Variants in VLDLR observed in about 807,000 individuals in gnomAD.
The protein encoded by VLDLR is very low-density lipoprotein receptor.
VLDLR carries 81 observed loss-of-function variants against 112.7 expected under a neutral mutation model. The ratio of observed to expected loss-of-function variants is 0.72; its 90% CI spans 0.60 to 0.86. The LOEUF (loss-of-function observed/expected upper bound fraction) is 0.86. VLDLR is among the 40% of genes least tolerant of loss of function. The pLI is 0.00. For missense variants in VLDLR, 1,237 were observed against 1,099.4 expected, an observed-to-expected ratio of 1.13 and a Z score of -1.77; for synonymous variants, 436 against 384.8, an observed-to-expected ratio of 1.13 and a Z score of -1.56.
intron 1 of VLDLR, among the ~76,000 whole-genome samples, chr9:2,628,786 G>C (rs962757643): frequency 1.3e-5 from 2 of 152,168 alleles, no homozygotes; most frequent in Non-Finnish European, 2.9e-5. Context: ...ATGGATTTTA[G>C]AAGAACCTCT....
chr9:2,648,742 C>G lies in VLDLR; in HGVS notation c.2036C>G (p.Ala679Gly). The G allele has an allele frequency of 1.2e-6, 2 of 1,614,100 alleles. No homozygotes were observed. The highest frequency in any genetic ancestry group is 1.7e-6 in the Non-Finnish European group (2 of 1,180,008). The change falls in exon 14 of 19, where the codon GCC becomes GGC. Residue 679 changes from alanine (A) to glycine (G), a missense_variant. Ala to Gly is a moderately conservative substitution (Grantham distance 60). Transcript: ENST00000382100. Reference sequence around the variant, plus strand: ...AATAAATTCACTGGATCAGAGCTAGCCACTCTAGTCAACAACCTGAATGAT... The same window carrying G: ...AATAAATTCACTGGATCAGAGCTAGGCACTCTAGTCAACAACCTGAATGAT... ...GANKFTGSEL[A>G]TLVNNLNDAQ...
chr9:2,622,167 G>GCGGCGGCAC lies in VLDLR; in HGVS notation c.-19_-18insGGCACCGGC, dbSNP rs1554617688. The GCGGCGGCAC allele has an allele frequency of 0.01, 14,537 of 1,417,890 alleles. 85 individuals carry two copies. The highest frequency in any genetic ancestry group is 0.019 in the South Asian group (1,452 of 74,540). The allele number at this position is 1,417,890 out of a possible 1,614,324, so 87.8% of individuals were successfully genotyped here. On this transcript the variant is annotated 5_prime_UTR_variant, in exon 1 of 19. Coordinates refer to ENST00000382100, the MANE Select transcript of VLDLR (RefSeq NM_003383.5). Reference sequence around the variant, plus strand: ...GCGAACGGCGGCGGCGGCGGCGGCGGCGGCACCATCCAGGCGGGCACCATG... The same window carrying GCGGCGGCAC: ...GCGAACGGCGGCGGCGGCGGCGGCGGCGGCGGCACCGGCACCATCCAGGCGGGCACCATG...
At chr9:2,648,385 C>G (rs761823765) in intron 13 of VLDLR, 38 bp downstream of exon 13, 6 of 1,612,834 alleles carry the variant, frequency 3.7e-6, no homozygotes, top group South Asian at 3.3e-5. Context: ...TACCTTTGAG[C>G]TACTATATCA....
intron 1 of VLDLR, among the ~76,000 whole-genome samples, chr9:2,623,580 C>T (rs1450306468): frequency 1.3e-5 from 2 of 152,218 alleles, no homozygotes; most frequent in African/African-American, 4.8e-5. Context: ...AATGCCCCTG[C>T]CCTTTGGTTG....
intron 15 of VLDLR, among the ~76,000 whole-genome samples, 157 bp from the exon 16 acceptor site, chr9:2,651,258 A>G (rs377388404): frequency 1.3e-5 from 2 of 152,160 alleles, no homozygotes; most frequent in East Asian, 3.8e-4. Context: ...GAAGATTGCT[A>G]TTTCAATGTT....
chr9:2,651,080 C>T (rs2130806932), intron 15 of VLDLR, among the ~76,000 whole-genome samples: 1 of 152,280 alleles, frequency 6.6e-6, no homozygotes, highest in South Asian at 2.1e-4. Flanking sequence ...AGTTGCAAGA[C>T]AGTCTGGTAT....
rs562398362 is a variant in VLDLR at position 2,657,005 on chromosome 9, T to G, written c.*3137T>G. On this transcript the variant is annotated 3_prime_UTR_variant, in exon 19 of 19. Coordinates refer to ENST00000382100, the MANE Select transcript of VLDLR (RefSeq NM_003383.5). ...TCACTTTGGCATTTGCTTCTGTTCC[T>G]TGTATCTGTGGAAGTCAAGTAGCCC... 6.6e-6 allele frequency: 1 copy of G among 151,158 alleles called. No individual in the cohort carries two copies. The highest frequency in any genetic ancestry group is 1.9e-4 in the East Asian group (1 of 5,132). 9.4% of individuals were successfully genotyped at this position (151,158 alleles called of 1,614,324 possible).
intron 1 of VLDLR, among the ~76,000 whole-genome samples, chr9:2,623,717 T>C (rs1465125118): frequency 1.3e-5 from 2 of 152,168 alleles, no homozygotes; most frequent in South Asian, 2.1e-4. Context: ...GGCAGTGTTA[T>C]TTTCAATGGA....
rs1818593034 is a variant in VLDLR at position 2,656,079 on chromosome 9, AAT to A, written c.*2213_*2214del. The A allele has an allele frequency of 6.8e-6, 1 of 147,490 alleles. No homozygotes were observed. Among genetic ancestry groups the A allele is most frequent in the African/African-American group, 2.7e-5 (1 of 37,454 alleles). The allele number at this position is 147,490 out of a possible 1,614,324, so 9.1% of individuals were successfully genotyped here. A position where few individuals can be genotyped will look rare whatever the true frequency, so the allele number is the denominator to read the frequency against. ...ATAAGGCCCAAAGTTTGTTTTGGCAAATAAAGTATTATTCTCTATCATCATCT... is the reference window on the plus strand; with the variant it reads ...ATAAGGCCCAAAGTTTGTTTTGGCAAAAAGTATTATTCTCTATCATCATCT... On this transcript the variant is annotated 3_prime_UTR_variant, in exon 19 of 19. Coordinates refer to ENST00000382100, the MANE Select transcript of VLDLR (RefSeq NM_003383.5).
intron 10 of VLDLR, 105 bp downstream of exon 10, chr9:2,645,850 A>G: frequency 1.5e-6 from 2 of 1,325,138 alleles, no homozygotes; most frequent in Non-Finnish European, 2.2e-6. Context: ...AGCCCCATCT[A>G]GCATCGAATT....
chr9:2,623,815 A>G (rs1195555845), intron 1 of VLDLR, among the ~76,000 whole-genome samples: 1 of 152,144 alleles, frequency 6.6e-6, no homozygotes, highest in African/African-American at 2.4e-5. Flanking sequence ...ATGTGTAGTG[A>G]ACATGGAATC....
At chr9:2,651,555 T>C in intron 16 of VLDLR, 57 bp downstream of exon 16, 1 of 1,447,304 alleles carries the variant, frequency 6.9e-7, no homozygotes, top group South Asian at 1.2e-5. Flanking sequence ...ACTCTTTGTA[T>C]CTACAGCTTA....
intron 18 of VLDLR, among the ~76,000 whole-genome samples, chr9:2,653,185 T>C (rs1244971052): frequency 6.6e-6 from 1 of 152,154 alleles, no homozygotes; most frequent in Non-Finnish European, 1.5e-5. Context: ...TATTAAGATA[T>C]TTTTGGTTAT....
intron 1 of VLDLR, among the ~76,000 whole-genome samples, chr9:2,623,149 G>C (rs1391610884): frequency 6.6e-6 from 1 of 152,224 alleles, no homozygotes; most frequent in Non-Finnish European, 1.5e-5. Context: ...GGAGCAGCGC[G>C]AGAGCGAGCG....
Position 2,648,366 on chromosome 9 carries a change from C to A in VLDLR, c.1962+19C>A. 6.2e-7 allele frequency: 1 copy of A among 1,614,030 alleles called. No individual in the cohort carries two copies. Among genetic ancestry groups the A allele is most frequent in the South Asian group, 1.1e-5 (1 of 91,070 alleles). Reference sequence around the variant, plus strand: ...ATTTGAGGTAAGATGTGTCTCACATCAAAGTGTGTACCTTTGAGCTACTAT... The same window carrying A: ...ATTTGAGGTAAGATGTGTCTCACATAAAAGTGTGTACCTTTGAGCTACTAT... On this transcript the variant is annotated intron_variant, in intron 13 of 18. Transcript: ENST00000382100.
rs1304369895 is a variant in VLDLR at position 2,655,870 on chromosome 9, G to C, written c.*2002G>C. On this transcript the variant is annotated 3_prime_UTR_variant, in exon 19 of 19. Coordinates refer to ENST00000382100, the MANE Select transcript of VLDLR (RefSeq NM_003383.5). ...AGCTGAAGTGCCTGTTTGGTAAGTA[G>C]GTTAGCATTCATCATGAACTCTGAA... 1 of 152,078 alleles carries C rather than the reference G, an allele frequency of 6.6e-6. No homozygotes were observed. The highest frequency in any genetic ancestry group is 1.9e-4 in the East Asian group (1 of 5,172). The allele number at this position is 152,078 out of a possible 1,614,324, so 9.4% of individuals were successfully genotyped here. A position where few individuals can be genotyped will look rare whatever the true frequency, so the allele number is the denominator to read the frequency against.
rs1817940846 is a variant in VLDLR at position 2,643,912 on chromosome 9, A to C, written c.1019A>C (p.Gln340Pro). The change falls in exon 7 of 19, where the codon CAG becomes CCG. Residue 340 changes from glutamine (Q) to proline (P), a missense_variant. By Grantham distance (76) the Gln-to-Pro change is moderately conservative. Coordinates refer to ENST00000382100, the MANE Select transcript of VLDLR (RefSeq NM_003383.5). ...ECIDISKVCN[Q>P]EQDCRDWSDE... ...ATAGATATCAGCAAAGTATGTAACC[A>C]GGAGCAGGACTGCAGGGACTGGAGT... 3.1e-6 allele frequency: 5 copies of C among 1,614,196 alleles called. No individual in the cohort carries two copies. The highest frequency in any genetic ancestry group is 4.2e-6 in the Non-Finnish European group (5 of 1,180,032).
rs1251506764 is a variant in VLDLR, at chr9:2,651,425, T to C, written c.2262T>C (p.Thr754=). The change falls in exon 16 of 19, where the codon ACT becomes ACC. Residue 754 remains threonine (T), a synonymous_variant. Coordinates refer to ENST00000382100, the MANE Select transcript of VLDLR (RefSeq NM_003383.5). ...GTTTTTATAATTCAGGTACTGCAAC[T>C]ACTGTGACTTACAGTGAGACAAAAG... ...ENGRDCQSTA[T]TVTYSETKDT... The C allele has an allele frequency of 6.2e-7, 1 of 1,613,846 alleles. No individual in the cohort carries two copies. The highest frequency in any genetic ancestry group is 1.3e-5 in the African/African-American group (1 of 74,932).
rs560904917 is a variant in VLDLR, at chr9:2,653,970, G to A, written c.*102G>A. 9 of 1,235,934 alleles carry A rather than the reference G, an allele frequency of 7.3e-6. No individual in the cohort carries two copies. The Admixed American group carries it at 8.6e-5, about 12-fold the overall frequency. 76.6% of individuals were successfully genotyped at this position (1,235,934 alleles called of 1,614,324 possible). ...AAGTCTCTTTTTCTTCCTCTCGGCTGGAAGAACATCAAGATACCTTTGCGT... is the reference window on the plus strand; with the variant it reads ...AAGTCTCTTTTTCTTCCTCTCGGCTAGAAGAACATCAAGATACCTTTGCGT... On this transcript the variant is annotated 3_prime_UTR_variant, in exon 19 of 19. Transcript: ENST00000382100.
Sources: allele counts gnomAD v4.1 joint callset (sites outside exome capture counted in the v4.1 genomes callset), GRCh38; gene constraint gnomAD v4.1.1; transcripts MANE v1.5; gene names NCBI Gene and HGNC (gene_info 2026-07-23, HGNC 2026-07-21).